Variants in DNAH10 observed in about 807,000 individuals in gnomAD.
DNAH10 encodes the protein axonemal beta dynein heavy chain 10.
Under a neutral mutation model 506.6 loss-of-function variants are expected in DNAH10, and 348 were observed. That is an observed-to-expected ratio of 0.69 (90% CI 0.63 to 0.75). The LOEUF (loss-of-function observed/expected upper bound fraction) is 0.75. DNAH10 is among the 30% of genes least tolerant of loss of function. The pLI, the probability that DNAH10 is intolerant of heterozygous loss-of-function variation, is 0.00. For synonymous variants in DNAH10, 2,059 were observed against 2,198.6 expected, an observed-to-expected ratio of 0.94 and a Z score of 1.78; for missense variants, 5,179 against 5,787.1, an observed-to-expected ratio of 0.89 and a Z score of 3.41.
chr12:123,821,401 ACTCACTGCAGC>A (rs1444234843), intron 24 of DNAH10, among the ~76,000 whole-genome samples: 2 of 152,156 alleles, frequency 1.3e-5, no homozygotes, highest in African/African-American at 4.8e-5. Flanking sequence ...TGTGATAATA[ACTCACTGCAGC>A]CTCGAAGTCC....
Position 123,781,189 on chromosome 12 carries a change from T to C in DNAH10, c.731T>C (p.Met244Thr), listed in dbSNP as rs1207962173. ...GAGCATGAATCAGACCTGCCGCCCA[T>C]GCCTGGGGAGGCAGTAGAATATCAC... ...SSEHESDLPP[M>T]PGEAVEYHSI... The change falls in exon 6 of 79, where the codon ATG (methionine) becomes ACG (threonine). Residue 244 changes from methionine to threonine, a missense_variant. By Grantham distance (81) the Met-to-Thr change is moderately conservative. Coordinates refer to ENST00000673944, the MANE Select transcript of DNAH10 (RefSeq NM_001372106.1). 13 of 1,613,884 alleles carry C rather than the reference T, an allele frequency of 8.1e-6. No individual in the cohort carries two copies. The highest frequency in any genetic ancestry group is 1.1e-5 in the Non-Finnish European group (13 of 1,179,876).
rs183103487 is a variant in DNAH10, at chr12:123,924,319, G to T, written c.11653G>T (p.Ala3885Ser). Residue 3885 changes from alanine (A) to serine (S), a missense_variant, in exon 67 of 79, where the codon GCT (alanine) becomes TCT (serine). Transcript: ENST00000673944. The part of the protein sequence containing the change: ...LEKSKRKKPC[A>S]WLSDQGWEDI... ...GAAAAGCAAAAGAAAAAAGCCCTGCGCTTGGTTGTCTGACCAAGGATGGGA... is the reference window on the plus strand; with the variant it reads ...GAAAAGCAAAAGAAAAAAGCCCTGCTCTTGGTTGTCTGACCAAGGATGGGA... 2 of 1,612,702 alleles carry T rather than the reference G, an allele frequency of 1.2e-6. No individual in the cohort carries two copies. The highest frequency in any genetic ancestry group is 1.7e-6 in the Non-Finnish European group (2 of 1,179,228).
chr12:123,922,000 C>T (rs181830862), intron 65 of DNAH10, among the ~76,000 whole-genome samples: 457 of 151,924 alleles, frequency 3.0e-3, no homozygotes, highest in African/African-American at 0.01. Context: ...CAGATGTGAG[C>T]CACCACACCT....
chr12:123,890,375 A>G (rs1475685853), intron 52 of DNAH10, among the ~76,000 whole-genome samples: 3 of 151,748 alleles, frequency 2.0e-5, no homozygotes, highest in African/African-American at 7.3e-5. Context: ...GGCTTACACA[A>G]TCTTCCTGTC....
chr12:123,849,007 C>A (rs1951062226), intron 34 of DNAH10, 125 bp downstream of exon 34: 1 of 1,220,460 alleles, frequency 8.2e-7, no homozygotes, highest in Non-Finnish European at 1.1e-6. Flanking sequence ...TGTAGAAGAT[C>A]TGTTGGTTTT....
chr12:123,776,399 C>G (rs1427420060), intron 5 of DNAH10, among the ~76,000 whole-genome samples: 1 of 151,682 alleles, frequency 6.6e-6, no homozygotes, highest in Non-Finnish European at 1.5e-5. Context: ...TTGAGAACAG[C>G]CTGGGCGATA....
At chr12:123,882,502 T>C (rs745746497) in intron 51 of DNAH10, among the ~76,000 whole-genome samples, 6 of 152,180 alleles carry the variant, frequency 3.9e-5, no homozygotes, top group Admixed American at 6.5e-5. Flanking sequence ...AGAACACTTC[T>C]GTGGCTTCGG....
rs1378768506 is a variant in DNAH10 at position 123,902,250 on chromosome 12, A to G, written c.9641-689A>G. ...GTATGACCTAATCTTAACTAATTCC[A>G]TCTACAAAGACCCACTTCCAAATAA... On this transcript the variant is annotated intron_variant, in intron 56 of 78. Transcript: ENST00000673944. This position sits in a 1 kb window ranked among gnomAD's most constrained non-coding sequence, Gnocchi z 4.5. Among the ~76,000 whole-genome samples the G allele has an allele frequency of 2.0e-5, 3 of 151,880 alleles. No homozygotes were observed. Among genetic ancestry groups the G allele is most frequent in the African/African-American group, 7.3e-5 (3 of 41,332 alleles).
intron 30 of DNAH10, among the ~76,000 whole-genome samples, chr12:123,842,314 C>A (rs536529609): frequency 6.6e-6 from 1 of 152,316 alleles, no homozygotes; most frequent in South Asian, 2.1e-4. Flanking sequence ...TTCCAACATT[C>A]TTTGATTTTT....
chr12:123,919,082 T>A lies in DNAH10; in HGVS notation c.11506+133T>A. The A allele has an allele frequency of 8.2e-7, 1 of 1,221,838 alleles. No individual in the cohort carries two copies. Among genetic ancestry groups the A allele is most frequent in the East Asian group, 2.6e-5 (1 of 39,138 alleles). The allele number at this position is 1,221,838 out of a possible 1,614,324, so 75.7% of individuals were successfully genotyped here. On this transcript the variant is annotated intron_variant, in intron 65 of 78. Coordinates refer to ENST00000673944, the MANE Select transcript of DNAH10 (RefSeq NM_001372106.1). This position sits in a 1 kb window ranked among gnomAD's most constrained non-coding sequence, Gnocchi z 4.9. ...TCTTTTTTCTTTCTTTCTTTCTTTT[T>A]CTTTTTTTTTTGAGATAGGGTCTTG...
chr12:123,891,929 T>TCC (rs1953000948), intron 52 of DNAH10, among the ~76,000 whole-genome samples: 1 of 152,220 alleles, frequency 6.6e-6, no homozygotes, highest in African/African-American at 2.4e-5. Context: ...ACATGCTTAA[T>TCC]CCCCCAACAT....
At chr12:123,858,652 A>G (rs1951495229) in intron 37 of DNAH10, among the ~76,000 whole-genome samples, 2 of 152,218 alleles carry the variant, frequency 1.3e-5, no homozygotes, top group African/African-American at 2.4e-5. Flanking sequence ...AGCATTATTC[A>G]TAATAGCCAA....
At chr12:123,906,020 C>G (rs903615508) in intron 57 of DNAH10, among the ~76,000 whole-genome samples, 4 of 151,422 alleles carry the variant, frequency 2.6e-5, no homozygotes, top group African/African-American at 7.3e-5. Context: ...CGGGTTCACG[C>G]CATTCTCCTG....
At chr12:123,781,711 C>T (rs894991754) in intron 6 of DNAH10, among the ~76,000 whole-genome samples, 5 of 152,162 alleles carry the variant, frequency 3.3e-5, no homozygotes, top group African/African-American at 1.2e-4. Context: ...AGTGATCCAC[C>T]TACCTTGGCC....
chr12:123,893,776 G>A (rs1180998570), intron 53 of DNAH10, among the ~76,000 whole-genome samples: 1 of 152,228 alleles, frequency 6.6e-6, no homozygotes, highest in Non-Finnish European at 1.5e-5. Flanking sequence ...GCAGGGGCGG[G>A]GGAGGTTGTG....
chr12:123,835,043 G>A lies in DNAH10; in HGVS notation c.4780-363G>A, dbSNP rs184152672. 2.6e-4 allele frequency among the ~76,000 whole-genome samples: 40 copies of A among 152,302 alleles called. No individual in the cohort carries two copies. In the South Asian group the frequency reaches 3.1e-3, roughly 12 times the overall value. ...TTCTTTTGGGTCAATACCTAGGAGC[G>A]GAATTGCTGGGCACATGGTACTTGG... On this transcript the variant is annotated intron_variant, in intron 27 of 78. Coordinates refer to ENST00000673944, the MANE Select transcript of DNAH10 (RefSeq NM_001372106.1).
rs1398376823 is a variant in DNAH10, at chr12:123,785,460, C to T, written c.1231-286C>T. On this transcript the variant is annotated intron_variant, in intron 8 of 78. Transcript: ENST00000673944. The surrounding 1 kb of genome is among the most constrained non-coding windows in gnomAD (Gnocchi z 4.1). ...TCACCTGGGCAACATAGTGCGACCT[C>T]ATCTCTACAAAAATAAAAATAAAAA... Among the ~76,000 whole-genome samples the T allele has an allele frequency of 6.6e-6, 1 of 151,986 alleles. No homozygotes were observed. Among genetic ancestry groups the T allele is most frequent in the Non-Finnish European group, 1.5e-5 (1 of 68,000 alleles).
At chr12:123,823,559 A>G (rs1959646352) in intron 24 of DNAH10, among the ~76,000 whole-genome samples, 1 of 152,254 alleles carries the variant, frequency 6.6e-6, no homozygotes, top group Non-Finnish European at 1.5e-5. Flanking sequence ...TTTTAAAAGG[A>G]AAGGTATCAT....
At chr12:123,793,772 C>G (rs942000393) in intron 11 of DNAH10, among the ~76,000 whole-genome samples, 170 bp from the exon 12 acceptor site, 1 of 152,126 alleles carries the variant, frequency 6.6e-6, no homozygotes, top group African/African-American at 2.4e-5. Context: ...GGAGAGAGAT[C>G]AGGAAATCAA....
Sources: allele counts gnomAD v4.1 joint callset (sites outside exome capture counted in the v4.1 genomes callset), GRCh38; gene constraint gnomAD v4.1.1; non-coding constraint Gnocchi (gnomAD v3.1); transcripts MANE v1.5; gene names NCBI Gene and HGNC (gene_info 2026-07-23, HGNC 2026-07-21).